RBMS3: variants seen among roughly 807,000 people sequenced by gnomAD.
The protein encoded by RBMS3 is RNA binding motif single stranded interacting protein 3, also known as RNA-binding motif, single-stranded-interacting protein 3.
RBMS3 carries 27 observed loss-of-function variants against 66.8 expected under a neutral mutation model. The ratio of observed to expected loss-of-function variants is 0.40; its 90% CI spans 0.30 to 0.56. RBMS3 has a LOEUF of 0.56. RBMS3 is among the 20% of genes least tolerant of loss of function. The pLI, the probability that RBMS3 is intolerant of heterozygous loss-of-function variation, is 0.40. For synonymous variants in RBMS3, 188 were observed against 183.0 expected, an observed-to-expected ratio of 1.03 and a Z score of -0.22; for missense variants, 513 against 549.5, an observed-to-expected ratio of 0.93 and a Z score of 0.66.
At chr3:29,699,847 T>C (rs1358621718) in intron 4 of RBMS3, among the ~76,000 whole-genome samples, 6 of 152,178 alleles carry the variant, frequency 3.9e-5, no homozygotes, top group African/African-American at 1.4e-4. Flanking sequence ...TGTAACCTCC[T>C]TCAGATTATG....
intron 12 of RBMS3, among the ~76,000 whole-genome samples, chr3:29,975,365 A>G (rs1697514303): frequency 6.6e-6 from 1 of 151,200 alleles, no homozygotes; most frequent in South Asian, 2.1e-4. Context: ...TACAATTTAA[A>G]CTCCCACTAG....
At chr3:29,931,018 T>C (rs1213491328) in intron 10 of RBMS3, among the ~76,000 whole-genome samples, 1 of 152,162 alleles carries the variant, frequency 6.6e-6, no homozygotes, top group Non-Finnish European at 1.5e-5. Context: ...TTATAAAGCA[T>C]ATATTATATA....
chr3:29,655,986 T>G (rs1219561198), intron 4 of RBMS3, among the ~76,000 whole-genome samples: 1 of 151,972 alleles, frequency 6.6e-6, no homozygotes, highest in Admixed American at 6.6e-5. Flanking sequence ...AGCAGAAAGC[T>G]TATAGAATAA....
At chr3:29,497,973 ATTTTTTTTTTTTTT>A (rs779555263) in intron 3 of RBMS3, among the ~76,000 whole-genome samples, 42 of 43,430 alleles carry the variant, frequency 9.7e-4, no homozygotes, top group East Asian at 8.3e-3. Context: ...AAAAGTATTC[ATTTTTTTTTTTTTT>A]TTTTTTTTTT....
intron 4 of RBMS3, among the ~76,000 whole-genome samples, chr3:29,732,984 AT>A (rs1258040563): frequency 6.6e-6 from 1 of 151,934 alleles, no homozygotes; most frequent in East Asian, 1.9e-4. Context: ...TCTCATTTGT[AT>A]TTTTTGGAAT....
chr3:29,411,570 G>A (rs2040267299), intron 1 of RBMS3, among the ~76,000 whole-genome samples: 1 of 152,138 alleles, frequency 6.6e-6, no homozygotes, highest in Non-Finnish European at 1.5e-5. Context: ...TGCTAATAAT[G>A]TTGTGTTAAA....
At chr3:29,570,217 A>T (rs35308958) in intron 3 of RBMS3, among the ~76,000 whole-genome samples, 9,555 of 152,092 alleles carry the variant, frequency 0.063, 323 homozygotes, top group South Asian at 0.14. Flanking sequence ...GTATGTATAT[A>T]TATTTATGAG....
At chr3:29,330,507 C>T (rs1043469508) in intron 1 of RBMS3, among the ~76,000 whole-genome samples, 17 of 140,224 alleles carry the variant, frequency 1.2e-4, no homozygotes, top group Admixed American at 2.2e-4. Context: ...TCTGGAATAG[C>T]GGGATAGCTT....
At chr3:29,295,909 T>C (rs568560320) in intron 1 of RBMS3, among the ~76,000 whole-genome samples, 13 of 151,832 alleles carry the variant, frequency 8.6e-5, no homozygotes, top group African/African-American at 2.9e-4. Flanking sequence ...CCATGATGAG[T>C]TTCGTATTAC....
At chr3:29,360,875 C>A (rs2037541525) in intron 1 of RBMS3, among the ~76,000 whole-genome samples, 1 of 151,936 alleles carries the variant, frequency 6.6e-6, no homozygotes, top group African/African-American at 2.4e-5. Flanking sequence ...GCAACCCCTG[C>A]CTTTTTTTGG....
chr3:29,937,949 A>G (rs1030632878), intron 11 of RBMS3, among the ~76,000 whole-genome samples: 1 of 151,860 alleles, frequency 6.6e-6, no homozygotes. Flanking sequence ...AAGTGATGTA[A>G]TGTAATTTTA....
At chr3:29,982,681 A>G (rs537279829) in intron 12 of RBMS3, among the ~76,000 whole-genome samples, 39 of 152,312 alleles carry the variant, frequency 2.6e-4, no homozygotes, top group African/African-American at 5.5e-4. Flanking sequence ...CCCAGTAGTC[A>G]TTCAGGAGAA....
At chr3:29,320,667 CAT>C (rs2034954220) in intron 1 of RBMS3, among the ~76,000 whole-genome samples, 1 of 151,916 alleles carries the variant, frequency 6.6e-6, no homozygotes, top group Non-Finnish European at 1.5e-5. Context: ...TTAGCAAACT[CAT>C]AACTTTGCTA....
intron 3 of RBMS3, among the ~76,000 whole-genome samples, chr3:29,556,731 G>A (rs1377391296): frequency 6.6e-6 from 1 of 152,136 alleles, no homozygotes; most frequent in African/African-American, 2.4e-5. Flanking sequence ...GTGTATTTCT[G>A]TTTCCAATTG....
At chr3:29,442,546 A>AT in intron 2 of RBMS3, among the ~76,000 whole-genome samples, 1 of 152,234 alleles carries the variant, frequency 6.6e-6, no homozygotes, top group East Asian at 1.9e-4. Context: ...AAAGATGGAG[A>AT]TGTAAAAAGA....
At chr3:29,979,957 G>A (rs1434969949) in intron 12 of RBMS3, among the ~76,000 whole-genome samples, 3 of 152,194 alleles carry the variant, frequency 2.0e-5, no homozygotes, top group Non-Finnish European at 4.4e-5. Flanking sequence ...ACCCAGTAAT[G>A]GGATTGCTGG....
chr3:29,859,917 C>T (rs2059172560), intron 6 of RBMS3, among the ~76,000 whole-genome samples: 1 of 152,080 alleles, frequency 6.6e-6, no homozygotes, highest in South Asian at 2.1e-4. Flanking sequence ...CATACACACT[C>T]TGGTAGGCAT....
chr3:29,801,340 T>C (rs1012975238), intron 6 of RBMS3, among the ~76,000 whole-genome samples: 6 of 150,182 alleles, frequency 4.0e-5, no homozygotes, highest in African/African-American at 1.5e-4. Flanking sequence ...TGATCTCTGC[T>C]CACTGCAACC....
chr3:29,296,556 C>T (rs910532806), intron 1 of RBMS3, among the ~76,000 whole-genome samples: 2 of 151,662 alleles, frequency 1.3e-5, no homozygotes, highest in African/African-American at 4.8e-5. Context: ...ATGTTTCTCA[C>T]TTTGAATTCA....
Sources: allele counts gnomAD v4.1 joint callset (sites outside exome capture counted in the v4.1 genomes callset), GRCh38; gene constraint gnomAD v4.1.1; transcripts MANE v1.5; gene names NCBI Gene and HGNC (gene_info 2026-07-23, HGNC 2026-07-21).